The following MAGI2 variants were observed in gnomAD, a reference collection of about 807,000 sequenced individuals.
The protein encoded by MAGI2 is membrane associated guanylate kinase, WW and PDZ domain containing 2.
Under a neutral mutation model 133.3 loss-of-function variants are expected in MAGI2, and 35 were observed. The observed-to-expected ratio is 0.26, with a 90% confidence interval of 0.20 to 0.35. The LOEUF (loss-of-function observed/expected upper bound fraction) is 0.35. Ranked by LOEUF, MAGI2 falls within the 10% of genes least tolerant of loss-of-function variation. The probability of loss-of-function intolerance (pLI) is 1.00; values close to 1 mark genes in which losing one functional copy is unlikely to be tolerated. For missense variants in MAGI2, 1,636 were observed against 1,863.4 expected (o/e 0.88, Z 2.25); for synonymous variants, 729 against 710.6 (o/e 1.03, Z -0.41).
At chr7:79,245,466 T>C (rs1832750564) in intron 1 of MAGI2, among the ~76,000 whole-genome samples, 1 of 152,102 alleles carries the variant, frequency 6.6e-6, no homozygotes, top group Non-Finnish European at 1.5e-5. Flanking sequence ...CCCTTGGTCC[T>C]TGAATGAACA....
rs2150951267 is a variant in MAGI2 at position 78,256,244 on chromosome 7, A to G, written c.1746T>C (p.Tyr582=). The stretch of plus-strand genomic sequence containing the variant: ...CATTGTCATCATGGACGGGCGGTGG[A>G]TACGTGCCGTCTAGCTGACCATCAG... ...MPTDGQLDGT[Y]PPPVHDDNVS... Residue 582 remains tyrosine, a synonymous_variant, in exon 10 of 22, where the codon TAT becomes TAC. Transcript: ENST00000354212. 6.2e-7 allele frequency: 1 copy of G among 1,614,052 alleles called. No individual in the cohort carries two copies. Among genetic ancestry groups the G allele is most frequent in the Non-Finnish European group, 8.5e-7 (1 of 1,179,992 alleles).
At chr7:78,396,983 A>G (rs1386767301) in intron 6 of MAGI2, among the ~76,000 whole-genome samples, 2 of 152,172 alleles carry the variant, frequency 1.3e-5, no homozygotes, top group African/African-American at 4.8e-5. Context: ...ATTAATTTCA[A>G]TGTGAGCTTA....
chr7:78,914,061 G>T (rs551231458), intron 2 of MAGI2, among the ~76,000 whole-genome samples: 21 of 152,240 alleles, frequency 1.4e-4, no homozygotes, highest in Admixed American at 3.9e-4. Context: ...TAAGCATTTT[G>T]TTTGCAGATT....
chr7:78,555,211 TAGATAGATAGAC>T (rs200672215), intron 3 of MAGI2, among the ~76,000 whole-genome samples: 4,999 of 147,572 alleles, frequency 0.034, 181 homozygotes, highest in South Asian at 0.14. Flanking sequence ...GATAGATAGA[TAGATAGATAGAC>T]AGATAGATAG....
At chr7:78,648,065 C>T (rs1811090410) in intron 2 of MAGI2, among the ~76,000 whole-genome samples, 1 of 152,112 alleles carries the variant, frequency 6.6e-6, no homozygotes, top group African/African-American at 2.4e-5. Context: ...TTGACATGTG[C>T]AGCAAACCAA....
At chr7:78,490,308 G>C (rs111275798) in intron 5 of MAGI2, among the ~76,000 whole-genome samples, 1 of 152,008 alleles carries the variant, frequency 6.6e-6, no homozygotes, top group Admixed American at 6.6e-5. Context: ...GCAGATTATA[G>C]CATGTTCTTG....
intron 6 of MAGI2, among the ~76,000 whole-genome samples, chr7:78,393,164 G>A (rs532023314): frequency 3.9e-5 from 6 of 152,264 alleles, no homozygotes; most frequent in African/African-American, 7.2e-5. Context: ...AGCACAAGTC[G>A]TAGTTGGAGG....
intron 3 of MAGI2, among the ~76,000 whole-genome samples, chr7:78,540,264 G>C (rs1434466619): frequency 1.3e-5 from 2 of 152,214 alleles, no homozygotes; most frequent in African/African-American, 4.8e-5. Flanking sequence ...TGTAGCCACT[G>C]TTGGGGATGG....
At chr7:78,078,775 C>CGTGTGTGT (rs1181260320) in intron 21 of MAGI2, 172 bp downstream of exon 21, 3 of 594,076 alleles carry the variant, frequency 5.0e-6, no homozygotes, top group Non-Finnish European at 8.6e-6. Flanking sequence ...CATAAACATA[C>CGTGTGTGT]GTGTGTGTGT....
At chr7:78,572,131 A>G (rs1801564235) in intron 3 of MAGI2, among the ~76,000 whole-genome samples, 1 of 152,178 alleles carries the variant, frequency 6.6e-6, no homozygotes, top group Non-Finnish European at 1.5e-5. Context: ...ATCGATGGGG[A>G]AAATAAATGT....
intron 1 of MAGI2, among the ~76,000 whole-genome samples, chr7:79,279,415 T>G (rs1303217384): frequency 6.6e-6 from 1 of 152,160 alleles, no homozygotes; most frequent in Non-Finnish European, 1.5e-5. Context: ...GAAATACATG[T>G]GTAGCCTGGA....
At position 78,637,655 on chromosome 7, in the gene MAGI2, C is replaced by T. The variant is rs117787208; in HGVS notation, c.419-10416G>A. On this transcript the variant is annotated intron_variant, in intron 2 of 21. Transcript: ENST00000354212. Reference sequence around the variant, plus strand: ...ATGAAATCAGGTGATAGGTAACATACACTTTGGAATTAGTACTCATAAAGC... The same window carrying T: ...ATGAAATCAGGTGATAGGTAACATATACTTTGGAATTAGTACTCATAAAGC... 7.8e-3 allele frequency among the ~76,000 whole-genome samples: 1,194 copies of T among 152,224 alleles called. 11 individuals are homozygous for T. The highest frequency in any genetic ancestry group is 0.037 in the Middle Eastern group (11 of 294).
At chr7:78,909,836 G>A (rs1008468327) in intron 2 of MAGI2, among the ~76,000 whole-genome samples, 3 of 152,002 alleles carry the variant, frequency 2.0e-5, no homozygotes, top group South Asian at 2.1e-4. Context: ...ACATGCACAC[G>A]TATGTTTATT....
At chr7:78,726,394 C>T (rs1820812238) in intron 2 of MAGI2, among the ~76,000 whole-genome samples, 1 of 152,152 alleles carries the variant, frequency 6.6e-6, no homozygotes, top group South Asian at 2.1e-4. Context: ...TTGTCTCCAC[C>T]TTGTTTGAGC....
At chr7:79,035,112 C>T (rs113665933) in intron 1 of MAGI2, among the ~76,000 whole-genome samples, 19,874 of 149,818 alleles carry the variant, frequency 0.13, 2,023 homozygotes, top group African/African-American at 0.29. Flanking sequence ...GAAATCCTTG[C>T]TATAAAGTAT....
chr7:78,372,776 C>T (rs1015942928), intron 6 of MAGI2, among the ~76,000 whole-genome samples: 25 of 152,150 alleles, frequency 1.6e-4, no homozygotes, highest in Non-Finnish European at 3.7e-4. Context: ...TGGATTCTGG[C>T]ATAGTCAGCA....
At position 79,188,646 on chromosome 7, in the gene MAGI2, C is replaced by G. The variant is rs1011617748; in HGVS notation, c.302-181440G>C. 5.3e-5 allele frequency among the ~76,000 whole-genome samples: 8 copies of G among 151,872 alleles called. No individual in the cohort carries two copies. The East Asian group carries it at 1.4e-3, about 26-fold the overall frequency. On this transcript the variant is annotated intron_variant, in intron 1 of 21. Coordinates refer to ENST00000354212, the MANE Select transcript of MAGI2 (RefSeq NM_012301.4). ...TGGGGATATATATAATAAACAATCA[C>G]TGAGGTCACTTTCAAAGCTAAAAAG...
chr7:78,859,752 G>C (rs909445885), intron 2 of MAGI2, among the ~76,000 whole-genome samples: 2 of 152,044 alleles, frequency 1.3e-5, no homozygotes, highest in African/African-American at 4.8e-5. Flanking sequence ...TCTTCATGGC[G>C]TTCTCTGTAT....
chr7:78,311,346 A>G (rs1282941162), intron 9 of MAGI2, among the ~76,000 whole-genome samples: 1 of 152,184 alleles, frequency 6.6e-6, no homozygotes, highest in Non-Finnish European at 1.5e-5. Context: ...TTTCAAGGAG[A>G]ATTGTGTGGT....
Sources: allele counts gnomAD v4.1 joint callset (sites outside exome capture counted in the v4.1 genomes callset), GRCh38; gene constraint gnomAD v4.1.1; transcripts MANE v1.5; gene names NCBI Gene and HGNC (gene_info 2026-07-23, HGNC 2026-07-21).